SPNS2: variants seen among roughly 807,000 people sequenced by gnomAD.
SPNS2 encodes SPNS lysolipid transporter 2, sphingosine-1-phosphate, also known as sphingosine-1-phosphate transporter SPNS2.
SPNS2 carries 37 observed loss-of-function variants against 57.6 expected under a neutral mutation model. The ratio of observed to expected loss-of-function variants is 0.64; its 90% CI spans 0.49 to 0.85. SPNS2 has a LOEUF of 0.85. Among genes scored for constraint, SPNS2 ranks in the 40% least tolerant of loss-of-function variants. The pLI is 0.00. For missense variants in SPNS2, 831 were observed against 779.1 expected, an observed-to-expected ratio of 1.07 and a Z score of -0.79; for synonymous variants, 440 against 346.9, an observed-to-expected ratio of 1.27 and a Z score of -2.98.
chr17:4,536,438 G>GGT lies in SPNS2; in HGVS notation c.1607+13_1607+14insTG. 6.3e-7 allele frequency: 1 copy of GGT among 1,582,782 alleles called. No homozygotes were observed. On this transcript the variant is annotated intron_variant, in intron 11 of 12. Transcript: ENST00000329078. Reference sequence around the variant, plus strand: ...AGGGCTGAGCAGCAGTGAGTGGGGGGGAGGGGAGGCCCTGCTGCACCGCCG... The same window carrying GGT: ...AGGGCTGAGCAGCAGTGAGTGGGGGGGTGAGGGGAGGCCCTGCTGCACCGCCG...
At chr17:4,532,734 T>C (rs1310688674) in intron 6 of SPNS2, 50 bp downstream of exon 6, 1 of 1,588,494 alleles carries the variant, frequency 6.3e-7, no homozygotes, top group Non-Finnish European at 8.6e-7. Context: ...GGTGCTGAGA[T>C]GAGAGGGCCT....
chr17:4,536,826 C>T lies in SPNS2; in HGVS notation c.1608-74C>T, dbSNP rs570837815. ...CTCCGGTCAGCTGGCCCCCACGACACGATGTGCCAGAGCAGTGCCCGGGCC... is the reference window on the plus strand; with the variant it reads ...CTCCGGTCAGCTGGCCCCCACGACATGATGTGCCAGAGCAGTGCCCGGGCC... On this transcript the variant is annotated intron_variant, in intron 11 of 12. Transcript: ENST00000329078. The T allele has an allele frequency of 3.1e-5, 40 of 1,280,230 alleles. No individual in the cohort carries two copies. In the Admixed American group the frequency reaches 3.2e-4, roughly 10 times the overall value. 79.3% of individuals were successfully genotyped at this position (1,280,230 alleles called of 1,614,324 possible).
intron 6 of SPNS2, 99 bp downstream of exon 6, chr17:4,532,783 A>C (rs1484879149): frequency 2.0e-6 from 3 of 1,480,958 alleles, no homozygotes; most frequent in Non-Finnish European, 2.7e-6. Flanking sequence ...TCAGCCAGAC[A>C]CCCCACCTCT....
intron 9 of SPNS2, 32 bp from the exon 10 acceptor site, chr17:4,536,044 T>G: frequency 6.3e-7 from 1 of 1,596,284 alleles, no homozygotes; most frequent in African/African-American, 1.3e-5. Context: ...GCCTTTCTCC[T>G]CTGGCCGCTG....
At chr17:4,516,327 A>AC (rs1904988432) in intron 2 of SPNS2, among the ~76,000 whole-genome samples, 1 of 117,010 alleles carries the variant, frequency 8.5e-6, no homozygotes. Context: ...AAAAAAAAAA[A>AC]AAAAAAAAAA....
intron 3 of SPNS2, among the ~76,000 whole-genome samples, chr17:4,527,379 G>T (rs77568030): frequency 6.6e-6 from 1 of 152,328 alleles, no homozygotes; most frequent in African/African-American, 2.4e-5. Context: ...ATTTAGTGTA[G>T]GATGAAAGTT....
At position 4,532,588 on chromosome 17, in the gene SPNS2, T is replaced by G. The variant is rs1247863815; in HGVS notation, c.839T>G (p.Leu280Arg). The change falls in exon 6 of 13, where the codon CTG becomes CGG. Residue 280 changes from leucine (L) to arginine (R), a missense_variant. Around this residue, in one of 2 missense-constraint regions of SPNS2, gnomAD observed 526 missense variants for 400.9 expected, o/e 1.31. Coordinates refer to ENST00000329078, the MANE Select transcript of SPNS2 (RefSeq NM_001124758.3). ...ATCACAGGAACACTCATCCTCATTC[T>G]GGTCCCAGCCACTAAAAGGGGTCAT... ...GMITGTLILI[L>R]VPATKRGHAD... 1.2e-6 allele frequency: 2 copies of G among 1,614,002 alleles called. No individual in the cohort carries two copies. The highest frequency in any genetic ancestry group is 2.7e-5 in the African/African-American group (2 of 74,936).
rs1482320924 is a variant in SPNS2 at position 4,538,183 on chromosome 17, G to A, written c.*735G>A. On this transcript the variant is annotated 3_prime_UTR_variant, in exon 13 of 13. Coordinates refer to ENST00000329078, the MANE Select transcript of SPNS2 (RefSeq NM_001124758.3). ...CAGCTGTACACCACCTGTGCCCCCA[G>A]GCTCAAGGTCTCTGGCAGGTGCACA... 7 of 246,156 alleles carry A rather than the reference G, an allele frequency of 2.8e-5. No individual in the cohort carries two copies. Among genetic ancestry groups the A allele is most frequent in the Non-Finnish European group, 5.7e-5 (7 of 123,348 alleles). The allele number at this position is 246,156 out of a possible 1,614,324, so 15.2% of individuals were successfully genotyped here. A position where few individuals can be genotyped will look rare whatever the true frequency, so the allele number is the denominator to read the frequency against.
chr17:4,532,524 C>T lies in SPNS2; in HGVS notation c.793-18C>T. The T allele has an allele frequency of 1.2e-6, 2 of 1,614,132 alleles. No individual in the cohort carries two copies. Among genetic ancestry groups the T allele is most frequent in the Non-Finnish European group, 1.7e-6 (2 of 1,180,022 alleles). On this transcript the variant is annotated intron_variant, in intron 5 of 12. Coordinates refer to ENST00000329078, the MANE Select transcript of SPNS2 (RefSeq NM_001124758.3). ...GGCTCACTGGGCCCTGGTGTCCTAA[C>T]TTCCTGCTCTCTGGCAGGTGTCCCC...
intron 3 of SPNS2, among the ~76,000 whole-genome samples, chr17:4,529,697 A>G (rs1049297046): frequency 6.6e-6 from 1 of 152,136 alleles, no homozygotes; most frequent in African/African-American, 2.4e-5. Context: ...AAAGAAATCA[A>G]TGCAAAAGAG....
At chr17:4,522,678 C>T (rs1467947589) in intron 2 of SPNS2, among the ~76,000 whole-genome samples, 1 of 152,240 alleles carries the variant, frequency 6.6e-6, no homozygotes, top group Non-Finnish European at 1.5e-5. Context: ...GGTCAGAGGC[C>T]AACTGGCTGC....
intron 1 of SPNS2, among the ~76,000 whole-genome samples, chr17:4,503,406 T>G (rs1904585694): frequency 6.6e-6 from 1 of 152,170 alleles, no homozygotes; most frequent in Non-Finnish European, 1.5e-5. Flanking sequence ...CTGAGCCCAC[T>G]CCTAGCTGCA....
At chr17:4,515,222 T>A (rs944409990) in intron 2 of SPNS2, among the ~76,000 whole-genome samples, 1 of 152,182 alleles carries the variant, frequency 6.6e-6, no homozygotes, top group African/African-American at 2.4e-5. Context: ...GTGGCCTGGC[T>A]GGAGGTGGAC....
chr17:4,501,507 C>T (rs1444350737), intron 1 of SPNS2, among the ~76,000 whole-genome samples: 3 of 152,116 alleles, frequency 2.0e-5, no homozygotes, highest in Non-Finnish European at 4.4e-5. Context: ...AAGTCCTGTG[C>T]AAACACTTGC....
At position 4,533,842 on chromosome 17, in the gene SPNS2, G is replaced by GACATCCTCATGGTGAGC. The variant is rs1349196095; in HGVS notation, c.1334_1344+6dup. ...GTTTTCTAACTGGGCCATCACTGCA[G>GACATCCTCATGGTGAGC]ACATCCTCATGGTGAGCCAGGCAGG... On this transcript the variant is annotated frameshift_variant, in exon 9 of 13. Transcript: ENST00000329078. LOFTEE classifies it high-confidence loss of function. 7 of 1,610,648 alleles carry GACATCCTCATGGTGAGC rather than the reference G, an allele frequency of 4.3e-6. No individual in the cohort carries two copies. The highest frequency in any genetic ancestry group is 1.7e-5 in the Admixed American group (1 of 59,928).
At chr17:4,532,407 G>A (rs1186535218) in intron 5 of SPNS2, 135 bp from the exon 6 acceptor site, 2 of 1,326,288 alleles carry the variant, frequency 1.5e-6, no homozygotes, top group Admixed American at 2.0e-5. Context: ...AGCCCAATTA[G>A]GAAGGCTGGG....
At chr17:4,528,068 G>A (rs1459157914) in intron 3 of SPNS2, among the ~76,000 whole-genome samples, 1 of 151,966 alleles carries the variant, frequency 6.6e-6, no homozygotes, top group Admixed American at 6.6e-5. Flanking sequence ...TGCTGCCCAG[G>A]CTGGAGTGCA....
Position 4,498,982 on chromosome 17 carries a change from G to A in SPNS2, c.-66G>A. 6 of 955,878 alleles carry A rather than the reference G, an allele frequency of 6.3e-6. No homozygotes were observed. The highest frequency in any genetic ancestry group is 7.5e-6 in the Non-Finnish European group (6 of 803,312). The allele number at this position is 955,878 out of a possible 1,614,324, so 59.2% of individuals were successfully genotyped here. Reference sequence around the variant, plus strand: ...AGTGGCGGCTCCGCGGCGCACGCACGCGCTGAGCGGGCCCAGCCTGGGCCC... The same window carrying A: ...AGTGGCGGCTCCGCGGCGCACGCACACGCTGAGCGGGCCCAGCCTGGGCCC... On this transcript the variant is annotated 5_prime_UTR_variant, in exon 1 of 13. Coordinates refer to ENST00000329078, the MANE Select transcript of SPNS2 (RefSeq NM_001124758.3).
chr17:4,532,887 T>TG (rs1905557728), intron 6 of SPNS2, 90 bp from the exon 7 acceptor site: 1 of 1,522,156 alleles, frequency 6.6e-7, no homozygotes, highest in Non-Finnish European at 8.8e-7. Context: ...ACGAGGCATT[T>TG]GGGGGCCTCC....
Sources: gnomAD v4.1 joint callset for allele counts (sites outside exome capture counted in the v4.1 genomes callset) on GRCh38, gnomAD v4.1.1 for gene constraint, gnomAD v4.1.1 regional missense constraint, MANE v1.5 for transcripts, NCBI Gene and HGNC (gene_info 2026-07-23, HGNC 2026-07-21) for gene names.